NAV2: variants seen among roughly 807,000 people sequenced by gnomAD.
NAV2 encodes the protein neuron navigator 2.
In NAV2, 54 loss-of-function variants were observed where a neutral mutation model predicts 223.2. That is an observed-to-expected ratio of 0.24 (90% CI 0.19 to 0.30). NAV2 has a LOEUF of 0.30. Ranked by LOEUF, NAV2 falls within the 10% of genes least tolerant of loss-of-function variation. NAV2 has a pLI of 1.00. For synonymous variants in NAV2, 1,279 were observed against 1,239.3 expected (o/e 1.03, Z -0.67); for missense variants, 2,806 against 3,147.5 (o/e 0.89, Z 2.60).
chr11:19,707,758 G>A (rs182573358), intron 1 of NAV2, among the ~76,000 whole-genome samples: 51 of 152,216 alleles, frequency 3.4e-4, no homozygotes, highest in African/African-American at 1.1e-3. Flanking sequence ...GGTTGTGTGC[G>A]CTATACTTTT....
intron 20 of NAV2, among the ~76,000 whole-genome samples, 196 bp from the exon 21 acceptor site, chr11:20,067,990 A>G (rs529688796): frequency 1.3e-5 from 2 of 152,250 alleles, no homozygotes; most frequent in East Asian, 1.9e-4. Flanking sequence ...ATTTTTAAAA[A>G]TCATAAGCCG....
intron 8 of NAV2, among the ~76,000 whole-genome samples, chr11:19,940,238 TC>T (rs2046298008): frequency 6.6e-6 from 1 of 152,100 alleles, no homozygotes; most frequent in African/African-American, 2.4e-5. Context: ...GTAACATGCT[TC>T]TTTTTACCAG....
chr11:19,840,124 A>T (rs1203393585), intron 2 of NAV2, among the ~76,000 whole-genome samples: 1 of 152,234 alleles, frequency 6.6e-6, no homozygotes, highest in Non-Finnish European at 1.5e-5. Flanking sequence ...GGAAACTAGG[A>T]GGCCCAAAAC....
intron 1 of NAV2, among the ~76,000 whole-genome samples, chr11:19,758,895 C>T (rs202062954): frequency 6.6e-6 from 1 of 152,042 alleles, no homozygotes; most frequent in Non-Finnish European, 1.5e-5. Flanking sequence ...TTCCACAACC[C>T]CCAGGAGGTC....
intron 31 of NAV2, among the ~76,000 whole-genome samples, chr11:20,099,123 A>G (rs1270278363): frequency 1.3e-5 from 2 of 152,234 alleles, no homozygotes; most frequent in African/African-American, 4.8e-5. Flanking sequence ...GCACCAGCCC[A>G]TCCATTTGGG....
intron 1 of NAV2, among the ~76,000 whole-genome samples, chr11:19,801,732 C>T (rs371274179): frequency 1.1e-4 from 17 of 152,256 alleles, no homozygotes; most frequent in Middle Eastern, 3.4e-3. Context: ...GTTCAAATCC[C>T]GGCACTATCA....
chr11:20,020,242 G>GTAGA (rs1443243191), intron 11 of NAV2, among the ~76,000 whole-genome samples: 1 of 152,192 alleles, frequency 6.6e-6, no homozygotes, highest in East Asian at 1.9e-4. Flanking sequence ...TGATACCTGA[G>GTAGA]TAGAGTTCAT....
At chr11:19,684,490 A>G (rs1228843987) in intron 1 of NAV2, among the ~76,000 whole-genome samples, 1 of 152,156 alleles carries the variant, frequency 6.6e-6, no homozygotes, top group East Asian at 1.9e-4. Context: ...GCAGCTGCTC[A>G]GATATACCCC....
At position 20,082,541 on chromosome 11, in the gene NAV2, T is replaced by C. The variant is rs776387790; in HGVS notation, c.5326-466T>C. On this transcript the variant is annotated intron_variant, in intron 25 of 37. Transcript: ENST00000349880. ...GTCACTGGCTTTCTCTGTTAAAAAA[T>C]TGTCTTTTTTCCTCCCCCTTCCCCA... is the stretch of plus-strand genomic sequence containing the variant. The C allele has an allele frequency of 2.5e-6, 4 of 1,606,490 alleles. No individual in the cohort carries two copies. The African/African-American group carries it at 4.0e-5, about 16-fold the overall frequency.
In NAV2 at chr11:19,906,663, C is replaced by T. The variant is rs147836040; in HGVS notation, c.931+14069C>T. ...AACTCACGGGGGAGAGCAGCCAAAG[C>T]ATCCTTGGTTACCCCAGTCCCATAG... On this transcript the variant is annotated intron_variant, in intron 6 of 37. Coordinates refer to ENST00000349880, the MANE Select transcript of NAV2 (RefSeq NM_145117.5). Among the ~76,000 whole-genome samples the T allele has an allele frequency of 2.6e-5, 4 of 152,334 alleles. No individual in the cohort carries two copies. The East Asian group carries it at 7.7e-4, about 29-fold the overall frequency.
intron 1 of NAV2, among the ~76,000 whole-genome samples, chr11:19,379,226 C>T (rs980481318): frequency 2.0e-5 from 3 of 151,916 alleles, no homozygotes; most frequent in African/African-American, 7.3e-5. Context: ...CTGGATGGGG[C>T]GTGAGCAGGG....
intron 2 of NAV2, among the ~76,000 whole-genome samples, chr11:19,835,068 A>G (rs963506416): frequency 1.3e-5 from 2 of 152,308 alleles, no homozygotes; most frequent in African/African-American, 4.8e-5. Context: ...GGGAGTATGT[A>G]TGTTGTGCAT....
intron 1 of NAV2, among the ~76,000 whole-genome samples, chr11:19,466,172 C>T (rs936447954): frequency 1.3e-5 from 2 of 152,156 alleles, no homozygotes; most frequent in East Asian, 3.9e-4. Context: ...AGACAGGCAG[C>T]ATTTATAAAA....
At chr11:19,529,085 G>T (rs762695401) in intron 1 of NAV2, among the ~76,000 whole-genome samples, 3 of 152,110 alleles carry the variant, frequency 2.0e-5, no homozygotes, top group African/African-American at 7.2e-5. Context: ...CACACTCCAG[G>T]TCGGAAAGAA....
chr11:20,054,309 CAT>C (rs1163561728), intron 18 of NAV2, 69 bp downstream of exon 18: 1 of 1,408,452 alleles, frequency 7.1e-7, no homozygotes, highest in Non-Finnish European at 9.4e-7. Context: ...ATATACATAA[CAT>C]ATTTTTATTT....
chr11:20,051,076 A>G (rs1487301356), intron 16 of NAV2, among the ~76,000 whole-genome samples: 1 of 152,168 alleles, frequency 6.6e-6, no homozygotes, highest in Non-Finnish European at 1.5e-5. Flanking sequence ...CCTGGGGTAA[A>G]GTATGCGCTG....
chr11:19,621,375 C>T (rs563985115), intron 1 of NAV2, among the ~76,000 whole-genome samples: 7 of 152,132 alleles, frequency 4.6e-5, no homozygotes, highest in East Asian at 1.9e-4. Context: ...GCTGTGAATC[C>T]GTCTGGTCCT....
intron 36 of NAV2, among the ~76,000 whole-genome samples, chr11:20,113,099 T>C (rs920143087): frequency 6.6e-6 from 1 of 152,206 alleles, no homozygotes; most frequent in African/African-American, 2.4e-5. Flanking sequence ...GCTGTGAGCA[T>C]GTCCTGCCAC....
intron 10 of NAV2, among the ~76,000 whole-genome samples, chr11:19,969,530 C>T (rs1222642539): frequency 6.6e-6 from 1 of 152,110 alleles, no homozygotes; most frequent in Non-Finnish European, 1.5e-5. Context: ...TATTCCAAGA[C>T]CCTCGGTGGA....
Sources: gnomAD v4.1 joint callset for allele counts (sites outside exome capture counted in the v4.1 genomes callset) on GRCh38, gnomAD v4.1.1 for gene constraint, MANE v1.5 for transcripts, NCBI Gene and HGNC (gene_info 2026-07-23, HGNC 2026-07-21) for gene names.